Variants in EFNB2 observed in about 807,000 individuals in gnomAD.
The protein encoded by EFNB2 is ephrin B2.
In EFNB2, 5 loss-of-function variants were observed where a neutral mutation model predicts 32.1. The observed-to-expected ratio is 0.16, with a 90% CI of 0.08 to 0.33. The LOEUF (loss-of-function observed/expected upper bound fraction) is 0.33, where lower values mean the gene tolerates loss of function less well. Ranked by LOEUF, EFNB2 falls within the 10% of genes least tolerant of loss-of-function variation. The pLI, the probability that EFNB2 is intolerant of heterozygous loss-of-function variation, is 1.00. For missense variants in EFNB2, 263 were observed against 422.6 expected, an observed-to-expected ratio of 0.62 and a Z score of 3.31; for synonymous variants, 168 against 166.5, an observed-to-expected ratio of 1.01 and a Z score of -0.07.
At chr13:106,494,209 G>A (rs1302491415) in intron 4 of EFNB2, among the ~76,000 whole-genome samples, 1 of 152,174 alleles carries the variant, frequency 6.6e-6, no homozygotes, top group Non-Finnish European at 1.5e-5. Flanking sequence ...GACCAAGCAA[G>A]CACACAACAA....
chr13:106,525,083 TTTGA>T (rs1879653191), intron 1 of EFNB2, among the ~76,000 whole-genome samples: 2 of 152,186 alleles, frequency 1.3e-5, no homozygotes, highest in South Asian at 4.1e-4. Context: ...ACAACTGGTG[TTTGA>T]TTGATTGGTT....
chr13:106,497,594 GGTTT>G (rs1410013719), intron 2 of EFNB2, among the ~76,000 whole-genome samples: 2 of 152,064 alleles, frequency 1.3e-5, no homozygotes, highest in Non-Finnish European at 2.9e-5. Flanking sequence ...ACAACGTGCA[GGTTT>G]GTTACATATG....
intron 1 of EFNB2, among the ~76,000 whole-genome samples, chr13:106,515,393 G>C (rs1000975973): frequency 2.0e-5 from 3 of 152,134 alleles, no homozygotes. Context: ...GCTTATCAAA[G>C]CGGAAGTGTG....
chr13:106,528,570 C>A (rs995299079), intron 1 of EFNB2, among the ~76,000 whole-genome samples: 1 of 152,044 alleles, frequency 6.6e-6, no homozygotes, highest in Non-Finnish European at 1.5e-5. Flanking sequence ...AGGGTGTTTG[C>A]AGCCTTTGGC....
At chr13:106,503,055 C>A (rs1336473043) in intron 2 of EFNB2, among the ~76,000 whole-genome samples, 1 of 152,152 alleles carries the variant, frequency 6.6e-6, no homozygotes, top group Non-Finnish European at 1.5e-5. Context: ...TTGCTAGAGA[C>A]ATGTTTAACA....
At chr13:106,519,082 T>G (rs1879411970) in intron 1 of EFNB2, 1 of 152,112 alleles carries the variant, frequency 6.6e-6, no homozygotes, top group South Asian at 2.1e-4. Flanking sequence ...TGCAAGAATA[T>G]TTAGCTGACA....
chr13:106,510,646 G>C (rs181192128), intron 2 of EFNB2, among the ~76,000 whole-genome samples: 2 of 152,288 alleles, frequency 1.3e-5, no homozygotes, highest in Admixed American at 1.3e-4. Context: ...CTTAATAAAT[G>C]CATCTGATCA....
Position 106,493,536 on chromosome 13 carries a change from T to A in EFNB2, c.614-108A>T. 1 of 1,422,544 alleles carries A rather than the reference T, an allele frequency of 7.0e-7. No homozygotes were observed. Among genetic ancestry groups the A allele is most frequent in the Non-Finnish European group, 9.3e-7 (1 of 1,069,730 alleles). 88.1% of individuals were successfully genotyped at this position (1,422,544 alleles called of 1,614,324 possible). On this transcript the variant is annotated intron_variant, in intron 4 of 4. Coordinates refer to ENST00000646441, the MANE Select transcript of EFNB2 (RefSeq NM_004093.4). The surrounding 1 kb of genome is among the most constrained non-coding windows in gnomAD (Gnocchi z 6.1). Reference sequence around the variant, plus strand: ...GTGAAAAATAAGCCAGGCTTATTACTAACTAGAAGCTGGACTTTGCCTCGC... The same window carrying A: ...GTGAAAAATAAGCCAGGCTTATTACAAACTAGAAGCTGGACTTTGCCTCGC...
intron 1 of EFNB2, among the ~76,000 whole-genome samples, chr13:106,525,294 C>T (rs971794010): frequency 6.6e-6 from 1 of 152,242 alleles, no homozygotes; most frequent in Non-Finnish European, 1.5e-5. Context: ...TAGCCAAACT[C>T]TAAAGCATGT....
chr13:106,500,205 C>T (rs939772042), intron 2 of EFNB2, among the ~76,000 whole-genome samples: 1 of 152,170 alleles, frequency 6.6e-6, no homozygotes, highest in Admixed American at 6.5e-5. Flanking sequence ...TGATGTTCAC[C>T]GCTCTGCTCC....
intron 1 of EFNB2, among the ~76,000 whole-genome samples, chr13:106,523,412 G>T (rs1879600341): frequency 6.6e-6 from 1 of 152,098 alleles, no homozygotes; most frequent in Non-Finnish European, 1.5e-5. Flanking sequence ...AAACACCCTA[G>T]AAGTTAAATA....
chr13:106,495,654 G>A lies in EFNB2; in HGVS notation c.499+94C>T, dbSNP rs1355063035. The A allele has an allele frequency of 3.4e-6, 4 of 1,192,784 alleles. No individual in the cohort carries two copies. In the East Asian group the frequency reaches 7.3e-5, roughly 22 times the overall value. 73.9% of individuals were successfully genotyped at this position (1,192,784 alleles called of 1,614,324 possible). A position where few individuals can be genotyped will look rare whatever the true frequency, so the allele number is the denominator to read the frequency against. On this transcript the variant is annotated intron_variant, in intron 3 of 4. Coordinates refer to ENST00000646441, the MANE Select transcript of EFNB2 (RefSeq NM_004093.4). ...TTTGCTTTGAAAACTAAAAAGAAGA[G>A]CGAATGAAGGTGGGCATCGGCAACA... is the stretch of plus-strand genomic sequence containing the variant.
intron 1 of EFNB2, among the ~76,000 whole-genome samples, chr13:106,525,347 C>T (rs753974380): frequency 4.6e-5 from 7 of 152,260 alleles, no homozygotes; most frequent in East Asian, 1.9e-4. Flanking sequence ...ACTGTCTCTG[C>T]GAAACTGAAT....
intron 1 of EFNB2, among the ~76,000 whole-genome samples, chr13:106,528,103 A>G (rs1377279384): frequency 6.6e-6 from 1 of 152,246 alleles, no homozygotes; most frequent in African/African-American, 2.4e-5. Context: ...AGCAGCCTGT[A>G]AATCAGGGGG....
chr13:106,521,893 T>C (rs1369967532), intron 1 of EFNB2, among the ~76,000 whole-genome samples: 1 of 152,088 alleles, frequency 6.6e-6, no homozygotes, highest in Non-Finnish European at 1.5e-5. Context: ...TCATCTACTT[T>C]GGTATTAATC....
At chr13:106,526,485 C>T (rs1879704142) in intron 1 of EFNB2, among the ~76,000 whole-genome samples, 2 of 152,094 alleles carry the variant, frequency 1.3e-5, no homozygotes, top group African/African-American at 4.8e-5. Context: ...TTAAAGAGAT[C>T]ACTCTTGATC....
chr13:106,531,357 A>G (rs1879867223), intron 1 of EFNB2, among the ~76,000 whole-genome samples: 2 of 152,238 alleles, frequency 1.3e-5, no homozygotes, highest in South Asian at 4.1e-4. Context: ...CATTACCTAC[A>G]GTTTATCATC....
At position 106,535,046 on chromosome 13, in the gene EFNB2, G is replaced by C. The variant is rs1880024534; in HGVS notation, c.-82C>G. On this transcript the variant is annotated 5_prime_UTR_variant, in exon 1 of 5. Coordinates refer to ENST00000646441, the MANE Select transcript of EFNB2 (RefSeq NM_004093.4). ...AGGCTGGGACCCCCAATCCTCCGGG[G>C]CAGACTGGCGGGGAAGACGGCGTGC... 3 of 1,554,942 alleles carry C rather than the reference G, an allele frequency of 1.9e-6. No homozygotes were observed. Among genetic ancestry groups the C allele is most frequent in the Non-Finnish European group, 2.6e-6 (3 of 1,152,682 alleles).
At chr13:106,526,958 G>A (rs1008216169) in intron 1 of EFNB2, among the ~76,000 whole-genome samples, 6 of 152,188 alleles carry the variant, frequency 3.9e-5, no homozygotes, top group African/African-American at 1.4e-4. Context: ...AACAACAGTA[G>A]AATAGGCAGA....
Sources: gnomAD v4.1 joint callset for allele counts (sites outside exome capture counted in the v4.1 genomes callset) on GRCh38, gnomAD v4.1.1 for gene constraint, Gnocchi (gnomAD v3.1) non-coding constraint, MANE v1.5 for transcripts, NCBI Gene and HGNC (gene_info 2026-07-23, HGNC 2026-07-21) for gene names.